The following CERT1 variants were observed in gnomAD, a reference collection of about 807,000 sequenced individuals.
CERT1 encodes ceramide transporter 1, also known as ceramide transfer protein.
Under a neutral mutation model 87.9 loss-of-function variants are expected in CERT1, and 31 were observed. The observed-to-expected ratio is 0.35, with a 90% CI of 0.27 to 0.48. The LOEUF is 0.48. CERT1 is among the 20% of genes least tolerant of loss of function. The pLI, the probability that CERT1 is intolerant of heterozygous loss-of-function variation, is 0.99. For synonymous variants in CERT1, 289 were observed against 250.9 expected (o/e 1.15, Z -1.44); for missense variants, 487 against 758.0 (o/e 0.64, Z 4.20).
intron 3 of CERT1, among the ~76,000 whole-genome samples, chr5:75,451,725 AAG>A (rs1236561476): frequency 6.6e-6 from 1 of 152,178 alleles, no homozygotes; most frequent in East Asian, 1.9e-4. Context: ...AAAAACTACT[AAG>A]AGTTAATAAT....
At chr5:75,444,705 C>T (rs2031039853) in intron 3 of CERT1, among the ~76,000 whole-genome samples, 1 of 151,846 alleles carries the variant, frequency 6.6e-6, no homozygotes, top group African/African-American at 2.4e-5. Flanking sequence ...CGTGACCATG[C>T]CCAGCCAATT....
chr5:75,485,336 A>AAAAAAAAAAAAAAAC, intron 2 of CERT1, among the ~76,000 whole-genome samples: 1 of 149,102 alleles, frequency 6.7e-6, no homozygotes, highest in Admixed American at 6.7e-5. Flanking sequence ...AAAAAAAAAA[A>AAAAAAAAAAAAAAAC]AGAACAAAAA....
intron 2 of CERT1, among the ~76,000 whole-genome samples, chr5:75,504,329 T>A (rs1489390697): frequency 6.6e-6 from 1 of 152,158 alleles, no homozygotes; most frequent in African/African-American, 2.4e-5. Flanking sequence ...ACTGAGCCTT[T>A]ATGTTAAAGC....
chr5:75,400,575 G>A (rs1762429139), intron 9 of CERT1: 1 of 313,976 alleles, frequency 3.2e-6, no homozygotes, highest in East Asian at 5.8e-5. Flanking sequence ...TACCTGCATA[G>A]CATTATTTAT....
upstream of CERT1, chr5:75,511,963 C>T (rs2112498497): frequency 2.8e-6 from 2 of 712,114 alleles, no homozygotes; most frequent in East Asian, 3.0e-5. Flanking sequence ...CCTTGTCAGT[C>T]GGTGGGTGGG....
chr5:75,452,598 T>C (rs1057389634), intron 3 of CERT1, among the ~76,000 whole-genome samples: 3 of 152,050 alleles, frequency 2.0e-5, no homozygotes, highest in Non-Finnish European at 4.4e-5. Flanking sequence ...TCCTATAATT[T>C]AAAAAAATAA....
chr5:75,466,309 G>A (rs946138512), intron 2 of CERT1, among the ~76,000 whole-genome samples: 1 of 152,126 alleles, frequency 6.6e-6, no homozygotes, highest in Admixed American at 6.6e-5. Context: ...GTGGCAGTCA[G>A]TTCCACTCAA....
chr5:75,388,672 C>A (rs575461335), intron 12 of CERT1, among the ~76,000 whole-genome samples: 1 of 139,634 alleles, frequency 7.2e-6, no homozygotes, highest in Admixed American at 7.5e-5. Context: ...GTGACCCAGG[C>A]TAGAGTGCAG....
In CERT1 at chr5:75,467,641, C is replaced by CAAA. The variant is rs1458470572; in HGVS notation, c.232-8463_232-8461dup. 1.5e-3 allele frequency among the ~76,000 whole-genome samples: 76 copies of CAAA among 49,840 alleles called. 1 individual carries two copies. The highest frequency in any genetic ancestry group is 2.4e-3 in the Non-Finnish European group (56 of 23,350). 32.7% of individuals were successfully genotyped at this position (49,840 alleles called of 152,430 possible). On this transcript the variant is annotated intron_variant, in intron 2 of 16. Coordinates refer to ENST00000643780, the MANE Select transcript of CERT1 (RefSeq NM_001379029.1). ...GGGCAACAGAGTGAGACTCTGTCTC[C>CAAA]AAAAAAAAGAAAAAAAAAAAAAAAA...
At chr5:75,394,614 AC>A (rs1432132865) in intron 11 of CERT1, among the ~76,000 whole-genome samples, 1 of 152,192 alleles carries the variant, frequency 6.6e-6, no homozygotes, top group East Asian at 1.9e-4. Context: ...AGCCCCCGCT[AC>A]TGAGGAGACT....
intron 2 of CERT1, among the ~76,000 whole-genome samples, chr5:75,482,552 C>G (rs937270507): frequency 3.4e-4 from 52 of 152,178 alleles, no homozygotes; most frequent in Admixed American, 1.6e-3. Flanking sequence ...AGTAGTCAGA[C>G]AGTAGTCACT....
chr5:75,459,114 T>C lies in CERT1; in HGVS notation c.299A>G (p.Gln100Arg), dbSNP rs1194857889. ...VNDSVWYLRA[Q>R]DPDHRQQWID... The stretch of plus-strand genomic sequence containing the variant: ...CCATTGCTGTCTATGATCTGGATCC[T>C]GAGCACGAAGATACCAAACACTATC... Residue 100 changes from glutamine (Q) to arginine (R), a missense_variant, in exon 3 of 17, where the codon CAG becomes CGG. By Grantham distance (43) the Gln-to-Arg change is conservative. Coordinates refer to ENST00000643780, the MANE Select transcript of CERT1 (RefSeq NM_001379029.1). 1 of 1,613,180 alleles carries C rather than the reference T, an allele frequency of 6.2e-7. No individual in the cohort carries two copies. The highest frequency in any genetic ancestry group is 8.5e-7 in the Non-Finnish European group (1 of 1,179,266).
chr5:75,439,723 C>T (rs1321836878), intron 3 of CERT1, among the ~76,000 whole-genome samples: 1 of 152,010 alleles, frequency 6.6e-6, no homozygotes, highest in Non-Finnish European at 1.5e-5. Context: ...TATTTTAAAA[C>T]AAACCACATG....
At chr5:75,464,346 C>T (rs899620308) in intron 2 of CERT1, among the ~76,000 whole-genome samples, 2 of 133,064 alleles carry the variant, frequency 1.5e-5, no homozygotes, top group Non-Finnish European at 3.1e-5. Context: ...GCATTGGTGA[C>T]TACTCACCTA....
rs117201848 is a variant in CERT1 at position 75,395,524 on chromosome 5, T to C, written c.1188+3786A>G. On this transcript the variant is annotated intron_variant, in intron 11 of 16. Transcript: ENST00000643780. ...AGAGCTATGATCATGCCACTGCACT[T>C]GGCCTGGACAAGTGAAACCTTGTCT... Among the ~76,000 whole-genome samples the C allele has an allele frequency of 2.3e-3, 285 of 125,624 alleles. No homozygotes were observed. In the East Asian group the frequency reaches 0.031, roughly 14 times the overall value. The allele number at this position is 125,624 out of a possible 152,430, so 82.4% of individuals were successfully genotyped here. A position where few individuals can be genotyped will look rare whatever the true frequency, so the allele number is the denominator to read the frequency against.
Position 75,411,037 on chromosome 5 carries a change from AT to A in CERT1, c.903del (p.Lys301AsnfsTer16). ...TCATAATCTGGTCCTCCAAAGTGGG[AT>A]TTTTTCTTAAGTTCTGTCATTGCAT... Reference protein sequence around the residue: ...YKNAMTELKKKSHFGGPDYEE... With the variant: ...YKNAMTELKKXSHFGGPDYEE... On this transcript the variant is annotated frameshift_variant, in exon 8 of 17. Coordinates refer to ENST00000643780, the MANE Select transcript of CERT1 (RefSeq NM_001379029.1). LOFTEE classifies it high-confidence loss of function. 1 of 1,589,810 alleles carries A rather than the reference AT, an allele frequency of 6.3e-7. No homozygotes were observed. Among genetic ancestry groups the A allele is most frequent in the Non-Finnish European group, 8.6e-7 (1 of 1,164,172 alleles).
chr5:75,403,007 C>A lies in CERT1; in HGVS notation c.982G>T (p.Ala328Ser), dbSNP rs1316933589. ...ATTTTATCTTGTCTGTCAAGAGCAGCTTCAACAGCATCAAAGAACTCTTCT... is the reference window on the plus strand; with the variant it reads ...ATTTTATCTTGTCTGTCAAGAGCAGATTCAACAGCATCAAAGAACTCTTCT... ...NEEEFFDAVE[A>S]ALDRQDKIEE... The change falls in exon 9 of 17, where the codon GCT becomes TCT. Residue 328 changes from alanine to serine, a missense_variant. Ala to Ser is a moderately conservative substitution (Grantham distance 99, BLOSUM62 1). Coordinates refer to ENST00000643780, the MANE Select transcript of CERT1 (RefSeq NM_001379029.1). 1 of 1,613,134 alleles carries A rather than the reference C, an allele frequency of 6.2e-7. No homozygotes were observed. The highest frequency in any genetic ancestry group is 8.5e-7 in the Non-Finnish European group (1 of 1,179,230).
In CERT1 at chr5:75,385,993, A is replaced by G. The variant is rs1213035526; in HGVS notation, c.1326T>C (p.Asp442=). Residue 442 remains aspartate, a synonymous_variant, in exon 13 of 17, where the codon GAT becomes GAC. Coordinates refer to ENST00000643780, the MANE Select transcript of CERT1 (RefSeq NM_001379029.1). ...REVEENGIVL[D]PLKATHAVKG... ...TAACTGCATGGGTAGCTTTTAAAGG[A>G]TCCAGAACAATCCCATTTTCTTCTA... is the stretch of plus-strand genomic sequence containing the variant. The G allele has an allele frequency of 6.3e-7, 1 of 1,587,304 alleles. No individual in the cohort carries two copies. The highest frequency in any genetic ancestry group is 8.6e-7 in the Non-Finnish European group (1 of 1,166,824).
intron 3 of CERT1, among the ~76,000 whole-genome samples, chr5:75,450,113 C>G (rs183580320): frequency 6.6e-6 from 1 of 152,310 alleles, no homozygotes; most frequent in African/African-American, 2.4e-5. Context: ...CCTTTCTTCT[C>G]TCTTTAAGAT....
Sources: allele counts gnomAD v4.1 joint callset (sites outside exome capture counted in the v4.1 genomes callset), GRCh38; gene constraint gnomAD v4.1.1; transcripts MANE v1.5; gene names NCBI Gene and HGNC (gene_info 2026-07-23, HGNC 2026-07-21).